PLAT: variants seen among roughly 807,000 people sequenced by gnomAD.
PLAT encodes tissue-type plasminogen activator.
A neutral mutation model predicts 74.9 loss-of-function variants in PLAT; 48 were observed. The ratio of observed to expected loss-of-function variants is 0.64; its 90% CI spans 0.51 to 0.82. The LOEUF (loss-of-function observed/expected upper bound fraction) is 0.82, where lower values mean the gene tolerates loss of function less well. PLAT is among the 40% of genes least tolerant of loss of function. PLAT has a pLI of 0.00. For missense variants in PLAT, 673 were observed against 736.2 expected (o/e 0.91, Z 0.99); for synonymous variants, 307 against 294.4 (o/e 1.04, Z -0.44).
chr8:42,200,718 A>G (rs909152457), intron 1 of PLAT, among the ~76,000 whole-genome samples: 5 of 150,392 alleles, frequency 3.3e-5, no homozygotes, highest in Non-Finnish European at 7.4e-5. Context: ...CTGTACGGTG[A>G]CACATCTTGT....
intron 1 of PLAT, among the ~76,000 whole-genome samples, chr8:42,201,541 G>A (rs533740822): frequency 2.6e-5 from 4 of 152,228 alleles, no homozygotes; most frequent in Admixed American, 6.5e-5. Flanking sequence ...TAGATCATCC[G>A]ACCACCTGTG....
intron 2 of PLAT, 64 bp downstream of exon 2, chr8:42,193,050 C>T: frequency 8.6e-7 from 1 of 1,159,392 alleles, no homozygotes; most frequent in South Asian, 1.2e-5. Context: ...TGGACACAGA[C>T]CCCTGGAGCC....
At chr8:42,189,888 C>T (rs1233410905) in intron 3 of PLAT, among the ~76,000 whole-genome samples, 2 of 151,444 alleles carry the variant, frequency 1.3e-5, no homozygotes, top group Admixed American at 6.6e-5. Flanking sequence ...CATGAGCCAC[C>T]GTGCCCAGCC....
intron 3 of PLAT, among the ~76,000 whole-genome samples, chr8:42,189,723 C>G (rs571604521): frequency 6.6e-6 from 1 of 150,698 alleles, no homozygotes; most frequent in African/African-American, 2.4e-5. Flanking sequence ...CTCAGCCTCC[C>G]GAGTAGCTGG....
chr8:42,179,256 G>A (rs1805112123), intron 12 of PLAT, among the ~76,000 whole-genome samples, 193 bp from the exon 13 acceptor site: 4 of 152,166 alleles, frequency 2.6e-5, no homozygotes, highest in African/African-American at 9.7e-5. Context: ...TGAACCCACA[G>A]CCTCTCCGTA....
At chr8:42,199,817 T>C (rs1325986592) in intron 1 of PLAT, among the ~76,000 whole-genome samples, 1 of 152,268 alleles carries the variant, frequency 6.6e-6, no homozygotes, top group Admixed American at 6.5e-5. Flanking sequence ...CTGCAAAGTC[T>C]GCATCTAAAC....
intron 4 of PLAT, 27 bp from the exon 5 acceptor site, chr8:42,188,043 T>A: frequency 7.2e-7 from 1 of 1,381,060 alleles, no homozygotes; most frequent in Non-Finnish European, 1.0e-6. Context: ...AGGAAGCCCC[T>A]AATGACAGCC....
chr8:42,203,984 T>TACACACAC (rs1231429627), intron 1 of PLAT, among the ~76,000 whole-genome samples: 23 of 120,716 alleles, frequency 1.9e-4, no homozygotes, highest in African/African-American at 1.2e-3. Flanking sequence ...TATATATATA[T>TACACACAC]ATATATATAC....
chr8:42,177,791 C>T (rs1158666551), intron 13 of PLAT, among the ~76,000 whole-genome samples: 2 of 152,124 alleles, frequency 1.3e-5, no homozygotes, highest in Non-Finnish European at 2.9e-5. Context: ...CTGAAGAAAC[C>T]ATTCAAAAAG....
chr8:42,188,883 C>T, intron 4 of PLAT, 51 bp downstream of exon 4: 1 of 1,558,802 alleles, frequency 6.4e-7, no homozygotes, highest in Non-Finnish European at 8.8e-7. Flanking sequence ...CCTTGGCCTC[C>T]TAAAGTGCTG....
chr8:42,182,302 A>T, intron 8 of PLAT: 1 of 379,956 alleles, frequency 2.6e-6, no homozygotes, highest in Non-Finnish European at 5.0e-6. Flanking sequence ...GAGGGAGGAC[A>T]CCGAGTTCAT....
At position 42,175,379 on chromosome 8, in the gene PLAT, C is replaced by T. The variant is rs1373346782; in HGVS notation, c.*614G>A. The T allele has an allele frequency of 3.3e-5, 5 of 152,252 alleles. No individual in the cohort carries two copies. The highest frequency in any genetic ancestry group is 1.3e-4 in the Admixed American group (2 of 15,280). 9.4% of individuals were successfully genotyped at this position (152,252 alleles called of 1,614,324 possible). A position where few individuals can be genotyped will look rare whatever the true frequency, so the allele number is the denominator to read the frequency against. On this transcript the variant is annotated 3_prime_UTR_variant, in exon 14 of 14. Transcript: ENST00000220809. ...AATGATACAATTCTCTCATGCTACTCTAAAGTTTATAAAGAAAAAGGATTT... is the reference window on the plus strand; with the variant it reads ...AATGATACAATTCTCTCATGCTACTTTAAAGTTTATAAAGAAAAAGGATTT...
intron 3 of PLAT, among the ~76,000 whole-genome samples, chr8:42,189,949 C>T (rs2251619): frequency 0.51 from 76,767 of 149,892 alleles, 20,135 homozygotes; most frequent in Non-Finnish European, 0.57. Flanking sequence ...GGGTCTCTGT[C>T]ACCCAGGCTG....
At chr8:42,201,863 A>G (rs763906130) in intron 1 of PLAT, among the ~76,000 whole-genome samples, 4 of 152,186 alleles carry the variant, frequency 2.6e-5, no homozygotes, top group Non-Finnish European at 4.4e-5. Context: ...AGGAAATTGG[A>G]GCTTCCCAGA....
rs1169297720 is a variant in PLAT at position 42,182,582 on chromosome 8, T to C, written c.803+137A>G. On this transcript the variant is annotated intron_variant, in intron 8 of 13. Transcript: ENST00000220809. ...TGTGTTATTCTAGCAAGTGAAGAGG[T>C]TGGATTAGATAATATCCATGGGTGC... is the stretch of plus-strand genomic sequence containing the variant. The C allele has an allele frequency of 1.4e-5, 9 of 645,778 alleles. No homozygotes were observed. In the East Asian group the frequency reaches 2.4e-4, roughly 18 times the overall value. The allele number at this position is 645,778 out of a possible 1,614,324, so 40.0% of individuals were successfully genotyped here. A position where few individuals can be genotyped will look rare whatever the true frequency, so the allele number is the denominator to read the frequency against.
chr8:42,179,128 A>G (rs974355536), intron 12 of PLAT, 65 bp from the exon 13 acceptor site: 1 of 1,260,202 alleles, frequency 7.9e-7, no homozygotes, highest in African/African-American at 1.5e-5. Flanking sequence ...TGAAAGAGAA[A>G]GCCAAATTTT....
rs62001887 is a variant in PLAT, at chr8:42,187,559, C to T, written c.378G>A (p.Thr126=). The change falls in exon 6 of 14, where the codon ACG becomes ACA. Residue 126 remains threonine (T), a synonymous_variant. Transcript: ENST00000220809. The part of the protein sequence containing the change: ...GKCCEIDTRA[T]CYEDQGISYR... ...AGCTGATGCCCTGGTCCTCGTAGCACGTGGCCCTGGTATCTGACAGAGAGC... is the reference window on the plus strand; with the variant it reads ...AGCTGATGCCCTGGTCCTCGTAGCATGTGGCCCTGGTATCTGACAGAGAGC... The T allele has an allele frequency of 8.4e-5, 134 of 1,598,846 alleles. No homozygotes were observed. The African/African-American group carries it at 1.4e-3, about 17-fold the overall frequency.
chr8:42,185,228 TAG>T, intron 6 of PLAT, 56 bp from the exon 7 acceptor site: 3 of 1,128,518 alleles, frequency 2.7e-6, no homozygotes, highest in Non-Finnish European at 3.9e-6. Context: ...GCCTCTCCTT[TAG>T]GACCCAAGGA....
chr8:42,190,623 G>C (rs376356723), intron 3 of PLAT, among the ~76,000 whole-genome samples: 1 of 152,262 alleles, frequency 6.6e-6, no homozygotes, highest in African/African-American at 2.4e-5. Context: ...AAGAGTCCAG[G>C]TGTGACTCGC....
Sources: allele counts gnomAD v4.1 joint callset (sites outside exome capture counted in the v4.1 genomes callset), GRCh38; gene constraint gnomAD v4.1.1; transcripts MANE v1.5; gene names NCBI Gene and HGNC (gene_info 2026-07-23, HGNC 2026-07-21).